The following RIT2 variants were observed in gnomAD, a reference collection of about 807,000 sequenced individuals.
The protein encoded by RIT2 is GTP-binding protein Rit2.
A neutral mutation model predicts 23.7 loss-of-function variants in RIT2; 24 were observed. The observed-to-expected ratio is 1.01, with a 90% CI of 0.73 to 1.43. The LOEUF is 1.43. Ranked by LOEUF, RIT2 falls within the 40% of genes most tolerant of loss-of-function variation. The pLI, the probability that RIT2 is intolerant of heterozygous loss-of-function variation, is 0.00. For missense variants in RIT2, 236 were observed against 266.9 expected (o/e 0.88, Z 0.81); for synonymous variants, 107 against 91.1 (o/e 1.17, Z -0.99).
At chr18:42,810,074 C>T (rs1439875650) in intron 4 of RIT2, among the ~76,000 whole-genome samples, 12 of 143,968 alleles carry the variant, frequency 8.3e-5, no homozygotes, top group African/African-American at 7.6e-5. Flanking sequence ...ATATGTTATA[C>T]ATAACATATA....
chr18:43,003,426 C>G (rs1042600248), intron 2 of RIT2, among the ~76,000 whole-genome samples: 3 of 151,898 alleles, frequency 2.0e-5, no homozygotes, highest in Non-Finnish European at 4.4e-5. Context: ...ACCTTAATTA[C>G]AAACAGTAAT....
intron 2 of RIT2, among the ~76,000 whole-genome samples, chr18:43,026,287 G>A (rs1289759188): frequency 6.6e-6 from 1 of 152,100 alleles, no homozygotes. Context: ...CGGGCACGGT[G>A]GCTCATGCCT....
chr18:43,113,162 G>A (rs1913992606), intron 1 of RIT2, among the ~76,000 whole-genome samples: 2 of 152,156 alleles, frequency 1.3e-5, no homozygotes, highest in Non-Finnish European at 2.9e-5. Flanking sequence ...TTAAGAATCA[G>A]TGCTTGAATG....
intron 4 of RIT2, among the ~76,000 whole-genome samples, chr18:42,808,287 T>C (rs970759984): frequency 6.6e-6 from 1 of 152,226 alleles, no homozygotes; most frequent in African/African-American, 2.4e-5. Context: ...CTCAGAGGTC[T>C]GCATTCTGCT....
chr18:42,800,729 T>C (rs617501), intron 4 of RIT2, among the ~76,000 whole-genome samples: 148,390 of 151,994 alleles, frequency 0.98, 72,549 homozygotes, highest in Middle Eastern at 1. Context: ...GACGGGGTTT[T>C]ACTGTGTTAG....
intron 4 of RIT2, among the ~76,000 whole-genome samples, chr18:42,749,717 G>A (rs374807250): frequency 6.5e-4 from 98 of 151,790 alleles, no homozygotes; most frequent in South Asian, 3.9e-3. Context: ...ATTAGGTGAA[G>A]GAATAATTTC....
At chr18:42,758,692 T>G (rs1452857059) in intron 4 of RIT2, among the ~76,000 whole-genome samples, 1 of 150,782 alleles carries the variant, frequency 6.6e-6, no homozygotes, top group East Asian at 2.0e-4. Flanking sequence ...TTTTTTTTTT[T>G]TTTTGTATTT....
At chr18:42,858,228 C>T (rs1907238326) in intron 4 of RIT2, among the ~76,000 whole-genome samples, 1 of 152,100 alleles carries the variant, frequency 6.6e-6, no homozygotes. Context: ...TGAGTTCAAG[C>T]AGAGTTGCTC....
intron 3 of RIT2, among the ~76,000 whole-genome samples, chr18:42,958,715 T>C (rs1169102167): frequency 2.0e-5 from 3 of 152,110 alleles, no homozygotes; most frequent in African/African-American, 7.2e-5. Flanking sequence ...AAATCCTGTC[T>C]CTACATCTGA....
At chr18:42,965,337 G>C (rs1383630452) in intron 3 of RIT2, among the ~76,000 whole-genome samples, 1 of 152,002 alleles carries the variant, frequency 6.6e-6, no homozygotes, top group Non-Finnish European at 1.5e-5. Flanking sequence ...TGAGTCAGAT[G>C]TGAAAAAAAG....
chr18:42,795,049 T>C (rs1298087456), intron 4 of RIT2, among the ~76,000 whole-genome samples: 2 of 152,224 alleles, frequency 1.3e-5, no homozygotes, highest in African/African-American at 4.8e-5. Flanking sequence ...AGGACCCATA[T>C]CCGCTCCTGG....
At chr18:42,975,737 A>G (rs1283812213) in intron 2 of RIT2, among the ~76,000 whole-genome samples, 3 of 151,920 alleles carry the variant, frequency 2.0e-5, no homozygotes, top group Admixed American at 6.6e-5. Flanking sequence ...CAGTTTCACA[A>G]CTTCCTGCCT....
chr18:42,766,496 T>C (rs2143908227), intron 4 of RIT2, among the ~76,000 whole-genome samples: 1 of 152,332 alleles, frequency 6.6e-6, no homozygotes, highest in Non-Finnish European at 1.5e-5. Flanking sequence ...ATTCAAAATG[T>C]GTCTTGGGTG....
intron 1 of RIT2, among the ~76,000 whole-genome samples, chr18:43,096,962 T>G (rs1417924381): frequency 6.6e-6 from 1 of 151,902 alleles, no homozygotes; most frequent in Non-Finnish European, 1.5e-5. Context: ...AGCTTCATTC[T>G]TAGAAAGAGG....
chr18:42,877,953 G>A (rs1907787281), intron 4 of RIT2, among the ~76,000 whole-genome samples: 1 of 151,740 alleles, frequency 6.6e-6, no homozygotes, highest in South Asian at 2.1e-4. Flanking sequence ...TCTGTGTTTA[G>A]ACTTCGGTCT....
intron 2 of RIT2, among the ~76,000 whole-genome samples, chr18:42,988,984 A>T (rs1191000677): frequency 1.3e-5 from 2 of 152,146 alleles, no homozygotes; most frequent in Non-Finnish European, 2.9e-5. Flanking sequence ...ACAATAAAAC[A>T]TGTTTTTTTC....
intron 3 of RIT2, among the ~76,000 whole-genome samples, chr18:42,958,348 C>T (rs1481207077): frequency 6.6e-6 from 1 of 152,084 alleles, no homozygotes; most frequent in East Asian, 1.9e-4. Context: ...GATATGTACC[C>T]TTCTGGTGCC....
rs758760009 is a variant in RIT2 at position 42,743,648 on chromosome 18, T to C, written c.499A>G (p.Arg167Gly). The C allele has an allele frequency of 6.2e-7, 1 of 1,614,116 alleles. No homozygotes were observed. Among genetic ancestry groups the C allele is most frequent in the South Asian group, 1.1e-5 (1 of 91,076 alleles). ...CGFFETSAAL[R>G]FCIDDAFHGL... ...TGAAAAGCATCATCAATACAGAATC[T>C]GAGGGCTGCAGAGGTCTCAAAAAAA... Residue 167 changes from arginine to glycine, a missense_variant, in exon 5 of 5, where the codon AGA becomes GGA. By Grantham distance (125) the Arg-to-Gly change is moderately radical (BLOSUM62 -2). Coordinates refer to ENST00000326695, the MANE Select transcript of RIT2 (RefSeq NM_002930.4).
intron 3 of RIT2, among the ~76,000 whole-genome samples, chr18:42,935,798 G>A (rs978277389): frequency 6.6e-6 from 1 of 152,076 alleles, no homozygotes; most frequent in African/African-American, 2.4e-5. Flanking sequence ...GCGGGCCCCA[G>A]CAAGTGGCTC....
Sources: allele counts gnomAD v4.1 joint callset (sites outside exome capture counted in the v4.1 genomes callset), GRCh38; gene constraint gnomAD v4.1.1; transcripts MANE v1.5; gene names NCBI Gene and HGNC (gene_info 2026-07-23, HGNC 2026-07-21).